KRTAP5-8: variants seen among roughly 807,000 people sequenced by gnomAD.
The protein encoded by KRTAP5-8 is keratin associated protein 5-8.
Under a neutral mutation model 2.7 loss-of-function variants are expected in KRTAP5-8, and 2 were observed. The ratio of observed to expected loss-of-function variants is 0.75; its 90% CI spans 0.30 to 2.35. The LOEUF (loss-of-function observed/expected upper bound fraction) is 2.35. Ranked by LOEUF, KRTAP5-8 falls within the 30% of genes most tolerant of loss-of-function variation. The probability of loss-of-function intolerance (pLI) is 0.12; values close to 1 mark genes in which losing one functional copy is unlikely to be tolerated. For missense variants in KRTAP5-8, 183 were observed against 227.2 expected (o/e 0.81, Z 1.25); for synonymous variants, 62 against 89.1 (o/e 0.70, Z 1.71).
Position 71,538,796 on chromosome 11 carries a change from G to A in KRTAP5-8, c.*177G>A. Reference sequence around the variant, plus strand: ...GCCTCTGAGGTCATGAGGGCTTCTGGCATGCTGGGTGCTGCCCATCAACCC... The same window carrying A: ...GCCTCTGAGGTCATGAGGGCTTCTGACATGCTGGGTGCTGCCCATCAACCC... On this transcript the variant is annotated 3_prime_UTR_variant, in exon 1 of 1. Transcript: ENST00000398534. 1.5e-6 allele frequency: 2 copies of A among 1,338,344 alleles called. No homozygotes were observed. Among genetic ancestry groups the A allele is most frequent in the Admixed American group, 2.3e-5 (1 of 44,218 alleles). The allele number at this position is 1,338,344 out of a possible 1,614,324, so 82.9% of individuals were successfully genotyped here.
At position 71,538,195 on chromosome 11, in the gene KRTAP5-8, G is replaced by A. The variant is rs751604149; in HGVS notation, c.140G>A (p.Cys47Tyr). The A allele has an allele frequency of 6.2e-7, 1 of 1,612,960 alleles. No homozygotes were observed. The highest frequency in any genetic ancestry group is 8.5e-7 in the Non-Finnish European group (1 of 1,179,898). Residue 47 changes from cysteine (C) to tyrosine (Y), a missense_variant, in exon 1 of 1, where the codon TGC (cysteine) becomes TAC (tyrosine). Physicochemically the swap from Cys to Tyr is radical, Grantham distance 194. This residue lies in a region of KRTAP5-8 where 113 missense variants were observed against 109.3 expected (regional missense o/e 1.03). Coordinates refer to ENST00000398534, the MANE Select transcript of KRTAP5-8 (RefSeq NM_021046.3). ...TGCTGCTGTGTGCCAGCCTGTTCCT[G>A]CTCCAGCTGTGGCTCCTGTGGGGGC... ...PVCCCVPACS[C>Y]SSCGSCGGSK...
chr11:71,538,283 C>G lies in KRTAP5-8; in HGVS notation c.228C>G (p.Ser76=). ...GGGACTGTGGCTCCTGTGGGGGCTC[C>G]AAGGGAGGCTGTGGTTCTTGTGGCT... ...SKGDCGSCGG[S]KGGCGSCGCS... Residue 76 remains serine (S), a synonymous_variant, in exon 1 of 1, where the codon TCC becomes TCG. Transcript: ENST00000398534. 1 of 1,613,830 alleles carries G rather than the reference C, an allele frequency of 6.2e-7. No homozygotes were observed. Among genetic ancestry groups the G allele is most frequent in the South Asian group, 1.1e-5 (1 of 91,042 alleles).
rs187962408 is a variant in KRTAP5-8 at position 71,538,765 on chromosome 11, T to C, written c.*146T>C. 15 of 1,527,402 alleles carry C rather than the reference T, an allele frequency of 9.8e-6. No homozygotes were observed. Among genetic ancestry groups the C allele is most frequent in the Non-Finnish European group, 1.3e-5 (15 of 1,126,114 alleles). 94.6% of individuals were successfully genotyped at this position (1,527,402 alleles called of 1,614,324 possible). On this transcript the variant is annotated 3_prime_UTR_variant, in exon 1 of 1. Transcript: ENST00000398534. ...TAGCGTCCAGGGCTCAGTACTCAGC[T>C]GCTCAGCCTCTGAGGTCATGAGGGC...
Position 71,538,310 on chromosome 11 carries a change from C to T in KRTAP5-8, c.255C>T (p.Cys85=), listed in dbSNP as rs781590727. The change falls in exon 1 of 1, where the codon TGC becomes TGT. Residue 85 remains cysteine, a synonymous_variant. Transcript: ENST00000398534. The part of the protein sequence containing the change: ...GSKGGCGSCG[C]SQCSCYKPCC... ...AGGGAGGCTGTGGTTCTTGTGGCTG[C>T]TCCCAGTGCAGCTGCTATAAGCCCT... The T allele has an allele frequency of 1.2e-6, 2 of 1,613,662 alleles. No homozygotes were observed. Among genetic ancestry groups the T allele is most frequent in the Non-Finnish European group, 8.5e-7 (1 of 1,179,896 alleles).
Position 71,538,240 on chromosome 11 carries a change from C to T in KRTAP5-8, c.185C>T (p.Ser62Phe). 1.9e-6 allele frequency: 3 copies of T among 1,612,818 alleles called. No individual in the cohort carries two copies. Among genetic ancestry groups the T allele is most frequent in the Non-Finnish European group, 2.5e-6 (3 of 1,179,834 alleles). The change falls in exon 1 of 1, where the codon TCC (serine) becomes TTC (phenylalanine). Residue 62 changes from serine (S) to phenylalanine (F), a missense_variant. Ser to Phe is a radical substitution (Grantham distance 155, BLOSUM62 -2). Transcript: ENST00000398534. ...GGGGGCTCCAAGGGGGGCCGTGGCTCCTGTGGGGGCTCCAAGGGGGACTGT... is the reference window on the plus strand; with the variant it reads ...GGGGGCTCCAAGGGGGGCCGTGGCTTCTGTGGGGGCTCCAAGGGGGACTGT... The part of the protein sequence containing the change: ...SCGGSKGGRG[S>F]CGGSKGDCGS...
Position 71,538,043 on chromosome 11 carries a change from A to T in KRTAP5-8, c.-13A>T, listed in dbSNP as rs1591151682. On this transcript the variant is annotated 5_prime_UTR_variant, in exon 1 of 1. Coordinates refer to ENST00000398534, the MANE Select transcript of KRTAP5-8 (RefSeq NM_021046.3). Reference sequence around the variant, plus strand: ...TGCTCCTCTACCTGCTCCACCCTCAACCCACCAGAACCATGGGCTGCTGTG... The same window carrying T: ...TGCTCCTCTACCTGCTCCACCCTCATCCCACCAGAACCATGGGCTGCTGTG... The T allele has an allele frequency of 1.3e-6, 2 of 1,575,122 alleles. No homozygotes were observed. The highest frequency in any genetic ancestry group is 1.7e-6 in the Non-Finnish European group (2 of 1,164,218).
chr11:71,538,771 G>GC lies in KRTAP5-8; in HGVS notation c.*154dup, dbSNP rs531263960. ...CCAGGGCTCAGTACTCAGCTGCTCA[G>GC]CCTCTGAGGTCATGAGGGCTTCTGG... On this transcript the variant is annotated 3_prime_UTR_variant, in exon 1 of 1. Coordinates refer to ENST00000398534, the MANE Select transcript of KRTAP5-8 (RefSeq NM_021046.3). 955 of 1,500,488 alleles carry GC rather than the reference G, an allele frequency of 6.4e-4. 1 individual carries two copies. In the African/African-American group the frequency reaches 9.6e-3, roughly 15 times the overall value. The allele number at this position is 1,500,488 out of a possible 1,614,324, so 92.9% of individuals were successfully genotyped here. A position where few individuals can be genotyped will look rare whatever the true frequency, so the allele number is the denominator to read the frequency against.
rs1950064232 is a variant in KRTAP5-8, at chr11:71,538,862, A to G, written c.*243A>G. 1 of 771,822 alleles carries G rather than the reference A, an allele frequency of 1.3e-6. No individual in the cohort carries two copies. Among genetic ancestry groups the G allele is most frequent in the Non-Finnish European group, 2.1e-6 (1 of 481,732 alleles). The allele number at this position is 771,822 out of a possible 1,614,324, so 47.8% of individuals were successfully genotyped here. On this transcript the variant is annotated 3_prime_UTR_variant, in exon 1 of 1. Transcript: ENST00000398534. ...TTCCTTTCCTGACCTCATCACTTCA[A>G]CCTTCTCAGGGCTTCAAGATCCCAC...
Position 71,538,580 on chromosome 11 carries a change from C to T in KRTAP5-8, c.525C>T (p.Ser175=), listed in dbSNP as rs1318260271. Residue 175 remains serine (S), a synonymous_variant, in exon 1 of 1, where the codon TCC becomes TCT. Transcript: ENST00000398534. ...GCTGCAAGCCCTGCTGTTCCCAGTCCAGCTGCTGTGTCCCAATTTGCTGCC... is the reference window on the plus strand; with the variant it reads ...GCTGCAAGCCCTGCTGTTCCCAGTCTAGCTGCTGTGTCCCAATTTGCTGCC... ...SSCCKPCCSQ[S]SCCVPICCQC... The T allele has an allele frequency of 1.3e-6, 2 of 1,516,698 alleles. No individual in the cohort carries two copies. Among genetic ancestry groups the T allele is most frequent in the Non-Finnish European group, 1.8e-6 (2 of 1,126,928 alleles). 94.0% of individuals were successfully genotyped at this position (1,516,698 alleles called of 1,614,324 possible). A position where few individuals can be genotyped will look rare whatever the true frequency, so the allele number is the denominator to read the frequency against.
At position 71,538,142 on chromosome 11, in the gene KRTAP5-8, T is replaced by C. The variant is rs1260980737; in HGVS notation, c.87T>C (p.Cys29=). Residue 29 remains cysteine, a synonymous_variant, in exon 1 of 1, where the codon TGT becomes TGC. Transcript: ENST00000398534. The stretch of plus-strand genomic sequence containing the variant: ...GTGGGGGATGTGGCTCTAGCTGCTG[T>C]GTGCCCATCTGCTGCTGCAAGCCCG... The part of the protein sequence containing the change: ...SGCGGCGSSC[C]VPICCCKPVC... 1.9e-6 allele frequency: 3 copies of C among 1,570,016 alleles called. No individual in the cohort carries two copies. Among genetic ancestry groups the C allele is most frequent in the Non-Finnish European group, 2.6e-6 (3 of 1,163,540 alleles).
Position 71,538,836 on chromosome 11 carries a change from C to T in KRTAP5-8, c.*217C>T. 1 of 941,982 alleles carries T rather than the reference C, an allele frequency of 1.1e-6. No homozygotes were observed. The highest frequency in any genetic ancestry group is 2.8e-5 in the Admixed American group (1 of 36,158). 58.4% of individuals were successfully genotyped at this position (941,982 alleles called of 1,614,324 possible). ...CCCATCAACCCTCCCAGAATCCCCT[C>T]TTCCTTTCCTGACCTCATCACTTCA... On this transcript the variant is annotated 3_prime_UTR_variant, in exon 1 of 1. Transcript: ENST00000398534.
At position 71,538,280 on chromosome 11, in the gene KRTAP5-8, C is replaced by T. The variant is rs1018657487; in HGVS notation, c.225C>T (p.Gly75=). The change falls in exon 1 of 1, where the codon GGC becomes GGT. Residue 75 remains glycine (G), a synonymous_variant. Transcript: ENST00000398534. ...AGGGGGACTGTGGCTCCTGTGGGGG[C>T]TCCAAGGGAGGCTGTGGTTCTTGTG... The part of the protein sequence containing the change: ...GSKGDCGSCG[G]SKGGCGSCGC... The T allele has an allele frequency of 6.2e-7, 1 of 1,613,764 alleles. No homozygotes were observed. The highest frequency in any genetic ancestry group is 1.3e-5 in the African/African-American group (1 of 75,028).
Position 71,538,232 on chromosome 11 carries a change from C to G in KRTAP5-8, c.177C>G (p.Gly59=), listed in dbSNP as rs541819431. The G allele has an allele frequency of 2.5e-6, 4 of 1,613,032 alleles. No homozygotes were observed. Among genetic ancestry groups the G allele is most frequent in the Non-Finnish European group, 2.5e-6 (3 of 1,179,876 alleles). ...SCGSCGGSKG[G]RGSCGGSKGD... Reference sequence around the variant, plus strand: ...GCTCCTGTGGGGGCTCCAAGGGGGGCCGTGGCTCCTGTGGGGGCTCCAAGG... The same window carrying G: ...GCTCCTGTGGGGGCTCCAAGGGGGGGCGTGGCTCCTGTGGGGGCTCCAAGG... Residue 59 remains glycine (G), a synonymous_variant, in exon 1 of 1, where the codon GGC becomes GGG. Coordinates refer to ENST00000398534, the MANE Select transcript of KRTAP5-8 (RefSeq NM_021046.3).
rs1487371234 is a variant in KRTAP5-8 at position 71,538,051 on chromosome 11, G to T, written c.-5G>T. ...TACCTGCTCCACCCTCAACCCACCA[G>T]AACCATGGGCTGCTGTGGCTGCTCT... is the stretch of plus-strand genomic sequence containing the variant. On this transcript the variant is annotated 5_prime_UTR_variant, in exon 1 of 1. Coordinates refer to ENST00000398534, the MANE Select transcript of KRTAP5-8 (RefSeq NM_021046.3). 1 of 1,612,252 alleles carries T rather than the reference G, an allele frequency of 6.2e-7. No individual in the cohort carries two copies. Among genetic ancestry groups the T allele is most frequent in the African/African-American group, 1.3e-5 (1 of 74,790 alleles).
chr11:71,538,362 T>C lies in KRTAP5-8; in HGVS notation c.307T>C (p.Ser103Pro), dbSNP rs2120619367. The change falls in exon 1 of 1, where the codon TCC becomes CCC. Residue 103 changes from serine (S) to proline (P), a missense_variant. Physicochemically the swap from Ser to Pro is moderately conservative, Grantham distance 74 (BLOSUM62 -1). Transcript: ENST00000398534. ...PCCCSSGCGS[S>P]CCQSSCCKPC... The stretch of plus-strand genomic sequence containing the variant: ...CTGTTGCTCCTCAGGCTGTGGGTCA[T>C]CCTGCTGCCAGTCCAGCTGCTGCAA... The C allele has an allele frequency of 1.2e-6, 2 of 1,602,154 alleles. No homozygotes were observed. The highest frequency in any genetic ancestry group is 4.6e-5 in the East Asian group (2 of 43,758).
At position 71,538,238 on chromosome 11, in the gene KRTAP5-8, C is replaced by T. The variant is rs747522411; in HGVS notation, c.183C>T (p.Gly61=). Reference sequence around the variant, plus strand: ...GTGGGGGCTCCAAGGGGGGCCGTGGCTCCTGTGGGGGCTCCAAGGGGGACT... The same window carrying T: ...GTGGGGGCTCCAAGGGGGGCCGTGGTTCCTGTGGGGGCTCCAAGGGGGACT... The part of the protein sequence containing the change: ...GSCGGSKGGR[G]SCGGSKGDCG... The change falls in exon 1 of 1, where the codon GGC becomes GGT. Residue 61 remains glycine, a synonymous_variant. Coordinates refer to ENST00000398534, the MANE Select transcript of KRTAP5-8 (RefSeq NM_021046.3). The T allele has an allele frequency of 1.9e-6, 3 of 1,612,840 alleles. No individual in the cohort carries two copies. Among genetic ancestry groups the T allele is most frequent in the Non-Finnish European group, 8.5e-7 (1 of 1,179,800 alleles).
Position 71,539,180 on chromosome 11 carries a change from C to T in KRTAP5-8, c.*561C>T. The T allele has an allele frequency of 3.4e-5, 6 of 176,808 alleles. No individual in the cohort carries two copies. Among genetic ancestry groups the T allele is most frequent in the Admixed American group, 2.3e-4 (4 of 17,290 alleles). 11.0% of individuals were successfully genotyped at this position (176,808 alleles called of 1,614,324 possible). ...CGCCTTGTAAGTGCCTAGGCTGAAT[C>T]TTCTAAATAAATACGATCCACACCT... On this transcript the variant is annotated 3_prime_UTR_variant, in exon 1 of 1. Transcript: ENST00000398534.
chr11:71,539,066 TAG>T lies in KRTAP5-8; in HGVS notation c.*451_*452del, dbSNP rs750712719. 1.1e-5 allele frequency: 3 copies of T among 266,874 alleles called. No individual in the cohort carries two copies. The highest frequency in any genetic ancestry group is 2.3e-5 in the Non-Finnish European group (3 of 130,734). The allele number at this position is 266,874 out of a possible 1,614,324, so 16.5% of individuals were successfully genotyped here. A position where few individuals can be genotyped will look rare whatever the true frequency, so the allele number is the denominator to read the frequency against. ...GTTGACCTAGAGGACTCAGAATTAT[TAG>T]AGACCCCAGGATCCTCTCCTGAGGA... is the stretch of plus-strand genomic sequence containing the variant. On this transcript the variant is annotated 3_prime_UTR_variant, in exon 1 of 1. Transcript: ENST00000398534.
In KRTAP5-8 at chr11:71,538,743, C is replaced by A; in HGVS notation, c.*124C>A. On this transcript the variant is annotated 3_prime_UTR_variant, in exon 1 of 1. Coordinates refer to ENST00000398534, the MANE Select transcript of KRTAP5-8 (RefSeq NM_021046.3). ...CCTCCTCTGGACTAAGGCAGCCTAGCGTCCAGGGCTCAGTACTCAGCTGCT... is the reference window on the plus strand; with the variant it reads ...CCTCCTCTGGACTAAGGCAGCCTAGAGTCCAGGGCTCAGTACTCAGCTGCT... 1.1e-5 allele frequency: 18 copies of A among 1,574,254 alleles called. No individual in the cohort carries two copies. The highest frequency in any genetic ancestry group is 1.4e-5 in the Non-Finnish European group (16 of 1,157,378).
Sources: allele counts gnomAD v4.1 joint callset, GRCh38; gene constraint gnomAD v4.1.1; regional missense constraint gnomAD v4.1.1; transcripts MANE v1.5; gene names NCBI Gene and HGNC (gene_info 2026-07-23, HGNC 2026-07-21).